Variants in CSMD2 observed in about 807,000 individuals in gnomAD.
CSMD2 encodes CUB and sushi domain-containing protein 2.
Under a neutral mutation model 398.5 loss-of-function variants are expected in CSMD2, and 130 were observed. The observed-to-expected ratio is 0.33, with a 90% confidence interval of 0.28 to 0.38. The LOEUF is 0.38. Among genes scored for constraint, CSMD2 ranks in the 10% least tolerant of loss-of-function variants. The pLI, the probability that CSMD2 is intolerant of heterozygous loss-of-function variation, is 1.00. For missense variants in CSMD2, 3,829 were observed against 4,764.9 expected (o/e 0.80, Z 5.78); for synonymous variants, 1,828 against 1,908.5 (o/e 0.96, Z 1.10).
intron 20 of CSMD2, among the ~76,000 whole-genome samples, chr1:33,715,513 A>G (rs1227848869): frequency 6.6e-6 from 1 of 152,100 alleles, no homozygotes; most frequent in African/African-American, 2.4e-5. Context: ...ATAAGGGTTG[A>G]GTCTCACTGG....
At chr1:33,664,713 G>T (rs1644252011) in intron 25 of CSMD2, among the ~76,000 whole-genome samples, 1 of 152,102 alleles carries the variant, frequency 6.6e-6, no homozygotes, top group South Asian at 2.1e-4. Context: ...TGAGGCAGGA[G>T]AATGTAATGA....
At chr1:33,929,256 A>T (rs1644232408) in intron 4 of CSMD2, among the ~76,000 whole-genome samples, 1 of 152,036 alleles carries the variant, frequency 6.6e-6, no homozygotes, top group African/African-American at 2.4e-5. Context: ...CTCGACCAAG[A>T]TGCAGCAACT....
chr1:33,762,018 G>A (rs143090140), intron 13 of CSMD2, among the ~76,000 whole-genome samples: 2 of 152,276 alleles, frequency 1.3e-5, no homozygotes, highest in African/African-American at 4.8e-5. Flanking sequence ...TAGAGGAAGG[G>A]CCAATCAACA....
At chr1:33,730,518 A>G (rs1214761209) in intron 15 of CSMD2, among the ~76,000 whole-genome samples, 2 of 152,148 alleles carry the variant, frequency 1.3e-5, no homozygotes, top group African/African-American at 4.8e-5. Flanking sequence ...ATGCAATGCT[A>G]GATTAGTTGG....
intron 60 of CSMD2, among the ~76,000 whole-genome samples, chr1:33,538,469 C>T (rs1368117205): frequency 1.3e-5 from 2 of 151,998 alleles, no homozygotes; most frequent in South Asian, 2.1e-4. Flanking sequence ...AATGTGTGTG[C>T]GTGTGCGTGT....
chr1:33,686,468 C>A (rs1645065449), intron 25 of CSMD2, among the ~76,000 whole-genome samples: 1 of 152,198 alleles, frequency 6.6e-6, no homozygotes, highest in Non-Finnish European at 1.5e-5. Flanking sequence ...TTGCCAGATG[C>A]TGTAGGTATT....
At chr1:33,619,188 A>G (rs1441658348) in intron 37 of CSMD2, among the ~76,000 whole-genome samples, 1 of 152,156 alleles carries the variant, frequency 6.6e-6, no homozygotes, top group Non-Finnish European at 1.5e-5. Context: ...TGTAAACTCT[A>G]AAGTGGTCTT....
At chr1:33,895,956 T>C (rs1022730689) in intron 5 of CSMD2, among the ~76,000 whole-genome samples, 33 of 152,096 alleles carry the variant, frequency 2.2e-4, no homozygotes, top group Admixed American at 1.8e-3. Flanking sequence ...TGAGATACCG[T>C]CATCTCCTCC....
At chr1:33,531,166 C>A (rs938002189) in intron 64 of CSMD2, among the ~76,000 whole-genome samples, 1 of 152,078 alleles carries the variant, frequency 6.6e-6, no homozygotes, top group African/African-American at 2.4e-5. Context: ...CATGACTTTG[C>A]CACTCCACAA....
At chr1:33,994,442 G>T (rs1310478121) in intron 3 of CSMD2, among the ~76,000 whole-genome samples, 1 of 152,038 alleles carries the variant, frequency 6.6e-6, no homozygotes, top group Non-Finnish European at 1.5e-5. Context: ...ACAGCACCAT[G>T]GATGGCCGTT....
chr1:33,712,261 C>T (rs1446578282), intron 21 of CSMD2, among the ~76,000 whole-genome samples: 2 of 152,120 alleles, frequency 1.3e-5, no homozygotes, highest in Non-Finnish European at 2.9e-5. Flanking sequence ...CCCCTGGGGT[C>T]AGGGCTGTCT....
At chr1:33,555,034 G>C (rs752101477) in intron 55 of CSMD2, among the ~76,000 whole-genome samples, 10 of 152,194 alleles carry the variant, frequency 6.6e-5, no homozygotes, top group Admixed American at 1.3e-4. Context: ...GTATTCCTCT[G>C]ATGGATCTGG....
At chr1:34,088,167 C>T (rs748462235) in intron 2 of CSMD2, among the ~76,000 whole-genome samples, 17 of 152,236 alleles carry the variant, frequency 1.1e-4, no homozygotes, top group Non-Finnish European at 2.1e-4. Flanking sequence ...CTCATTAGTG[C>T]ATCATGTCAT....
chr1:33,542,085 C>A (rs1311838455), intron 58 of CSMD2, among the ~76,000 whole-genome samples: 4 of 152,146 alleles, frequency 2.6e-5, no homozygotes, highest in Non-Finnish European at 5.9e-5. Flanking sequence ...CAGAGGGAGT[C>A]GAAATCACAG....
intron 2 of CSMD2, among the ~76,000 whole-genome samples, chr1:34,083,184 TGAA>T (rs1366351532): frequency 6.6e-6 from 1 of 151,074 alleles, no homozygotes; most frequent in Non-Finnish European, 1.5e-5. Context: ...TGGTATTTGA[TGAA>T]GAATGTGTGG....
At chr1:33,987,062 C>T (rs538461401) in intron 3 of CSMD2, among the ~76,000 whole-genome samples, 1 of 152,194 alleles carries the variant, frequency 6.6e-6, no homozygotes, top group South Asian at 2.1e-4. Flanking sequence ...AACCCCTCTG[C>T]CCAGAGGGGC....
chr1:33,584,066 C>T (rs181263721), intron 46 of CSMD2, among the ~76,000 whole-genome samples: 17 of 152,230 alleles, frequency 1.1e-4, no homozygotes, highest in African/African-American at 3.9e-4. Flanking sequence ...GAATCACTTC[C>T]TAGATAAGTT....
In CSMD2 at chr1:33,557,769, T is replaced by C; in HGVS notation, c.8708A>G (p.Asp2903Gly). 1 of 1,535,992 alleles carries C rather than the reference T, an allele frequency of 6.5e-7. No homozygotes were observed. The highest frequency in any genetic ancestry group is 8.7e-7 in the Non-Finnish European group (1 of 1,146,868). ...GGGGCGGGGACGGTCCCATGTGCCA[T>C]CTCCCTGGCAGCTGAGCACTGGGGT... Reference protein sequence around the residue: ...LGTPVLSCQGDGTWDRPRPQC... With the variant: ...LGTPVLSCQGGGTWDRPRPQC... The change falls in exon 55 of 71, where the codon GAT becomes GGT. Residue 2903 changes from aspartate to glycine, a missense_variant. Physicochemically the swap from Asp to Gly is moderately conservative, Grantham distance 94. Around this residue, in one of 5 missense-constraint regions of CSMD2, gnomAD observed 917 missense variants for 1,199.5 expected, o/e 0.76. Coordinates refer to ENST00000373381, the MANE Select transcript of CSMD2 (RefSeq NM_001281956.2).
chr1:33,863,981 T>C, intron 5 of CSMD2: 1 of 551,966 alleles, frequency 1.8e-6, no homozygotes, highest in South Asian at 2.4e-5. Flanking sequence ...AGGTGTTGGC[T>C]GGGATTGGCT....
Sources: allele counts gnomAD v4.1 joint callset (sites outside exome capture counted in the v4.1 genomes callset), GRCh38; gene constraint gnomAD v4.1.1; regional missense constraint gnomAD v4.1.1; transcripts MANE v1.5; gene names NCBI Gene and HGNC (gene_info 2026-07-23, HGNC 2026-07-21).